The following CLIP4 variants were observed in gnomAD, a reference collection of about 807,000 sequenced individuals.
CLIP4 encodes the protein CAP-Gly domain-containing linker protein 4.
CLIP4 carries 47 observed loss-of-function variants against 73.1 expected under a neutral mutation model. That is an observed-to-expected ratio of 0.64 (90% CI 0.51 to 0.82). CLIP4 has a LOEUF of 0.82. Among genes scored for constraint, CLIP4 ranks in the 40% least tolerant of loss-of-function variants. The probability of loss-of-function intolerance (pLI) is 0.00; values close to 1 mark genes in which losing one functional copy is unlikely to be tolerated. For missense variants in CLIP4, 874 were observed against 852.9 expected, an observed-to-expected ratio of 1.02 and a Z score of -0.31; for synonymous variants, 306 against 295.4, an observed-to-expected ratio of 1.04 and a Z score of -0.37.
intron 11 of CLIP4, among the ~76,000 whole-genome samples, chr2:29,157,562 C>T (rs768634969): frequency 6.6e-6 from 1 of 152,180 alleles, no homozygotes; most frequent in Non-Finnish European, 1.5e-5. Context: ...TCATGTAATT[C>T]ATTCTTAGTG....
At chr2:29,159,166 G>A (rs952490687) in intron 11 of CLIP4, among the ~76,000 whole-genome samples, 21 of 152,190 alleles carry the variant, frequency 1.4e-4, no homozygotes, top group Admixed American at 1.4e-3. Flanking sequence ...GTTATGATGA[G>A]GGCCTCGGAC....
chr2:29,101,151 G>C (rs1406985410), intron 1 of CLIP4, among the ~76,000 whole-genome samples: 1 of 152,008 alleles, frequency 6.6e-6, no homozygotes, highest in African/African-American at 2.4e-5. Flanking sequence ...TTAGCCAGGC[G>C]TGGTGGTGCA....
At chr2:29,114,833 A>G (rs1668488130), upstream of CLIP4, 1 of 152,264 alleles carries the variant, frequency 6.6e-6, no homozygotes, top group South Asian at 2.1e-4. Flanking sequence ...AACTTCGGTC[A>G]TGGTCTTACT....
intron 8 of CLIP4, among the ~76,000 whole-genome samples, chr2:29,149,392 A>G (rs184063293): frequency 3.9e-4 from 58 of 147,822 alleles, no homozygotes; most frequent in African/African-American, 1.4e-3. Context: ...GGAAGCGTTT[A>G]GTATTTTTTC....
In CLIP4 at chr2:29,157,342, G is replaced by A; in HGVS notation, c.1394G>A (p.Ser465Asn). Residue 465 changes from serine (S) to asparagine (N), a missense_variant, in exon 11 of 16, where the codon AGT becomes AAT. By Grantham distance (46) the Ser-to-Asn change is conservative. Transcript: ENST00000320081. ...SKSPSLSSRASAGLNSSATST... is the reference protein window; with the variant it reads ...SKSPSLSSRANAGLNSSATST... ...AGCCCTTCCCTTTCATCCAGAGCCA[G>A]TGCTGGTATCTATGGCTTTTTCAAC... The A allele has an allele frequency of 1.2e-6, 2 of 1,614,046 alleles. No individual in the cohort carries two copies. Among genetic ancestry groups the A allele is most frequent in the Non-Finnish European group, 1.7e-6 (2 of 1,179,928 alleles).
At chr2:29,167,408 A>T in intron 13 of CLIP4, 68 bp from the exon 14 acceptor site, 2 of 1,074,558 alleles carry the variant, frequency 1.9e-6, no homozygotes, top group East Asian at 2.6e-5. Flanking sequence ...TGAAAAACTT[A>T]GTTGATAACC....
intron 1 of CLIP4, among the ~76,000 whole-genome samples, chr2:29,105,239 G>C (rs1380430668): frequency 6.6e-6 from 1 of 152,116 alleles, no homozygotes; most frequent in Non-Finnish European, 1.5e-5. Flanking sequence ...TAAGAACTAA[G>C]CTGTATGTGG....
At position 29,121,515 on chromosome 2, in the gene CLIP4, G is replaced by C; in HGVS notation, c.127G>C (p.Asp43His). ...CATTTCTGCAGCACCAATGCCTTCAGACTGTGGTATGTGAAGTAGCTGTGC... is the reference window on the plus strand; with the variant it reads ...CATTTCTGCAGCACCAATGCCTTCACACTGTGGTATGTGAAGTAGCTGTGC... Reference protein sequence around the residue: ...FSISAAPMPSDCEFSFFDPND... With the variant: ...FSISAAPMPSHCEFSFFDPND... The change falls in exon 2 of 16, where the codon GAC (aspartate) becomes CAC (histidine). Residue 43 changes from aspartate (D) to histidine (H), a missense_variant. By Grantham distance (81) the Asp-to-His change is moderately conservative (BLOSUM62 -1). Coordinates refer to ENST00000320081, the MANE Select transcript of CLIP4 (RefSeq NM_024692.6). 6.2e-7 allele frequency: 1 copy of C among 1,613,314 alleles called. No homozygotes were observed. The highest frequency in any genetic ancestry group is 1.1e-5 in the South Asian group (1 of 90,932).
At chr2:29,100,661 CA>C (rs1291650267) in intron 1 of CLIP4, among the ~76,000 whole-genome samples, 2 of 151,400 alleles carry the variant, frequency 1.3e-5, no homozygotes, top group African/African-American at 4.9e-5. Context: ...TCCTCCTGAG[CA>C]AAGAGGAAGG....
chr2:29,178,107 G>A (rs939229168), intron 15 of CLIP4, among the ~76,000 whole-genome samples: 2 of 151,750 alleles, frequency 1.3e-5, no homozygotes, highest in Admixed American at 1.3e-4. Context: ...CTGTAATTTT[G>A]TTACCTAGAT....
At chr2:29,103,090 G>T (rs1467207581) in intron 1 of CLIP4, among the ~76,000 whole-genome samples, 1 of 151,798 alleles carries the variant, frequency 6.6e-6, no homozygotes, top group Non-Finnish European at 1.5e-5. Context: ...TTTACCCCTG[G>T]GCCTGGCATT....
chr2:29,151,463 G>C (rs1666562089), intron 8 of CLIP4, among the ~76,000 whole-genome samples: 1 of 152,060 alleles, frequency 6.6e-6, no homozygotes, highest in Non-Finnish European at 1.5e-5. Flanking sequence ...ATAATTTAGA[G>C]AAAGAATAGA....
rs1412873524 is a variant in CLIP4, at chr2:29,182,895, TATATC to T, written c.*1004_*1008del. 1.3e-5 allele frequency: 2 copies of T among 152,662 alleles called. No individual in the cohort carries two copies. The highest frequency in any genetic ancestry group is 2.1e-4 in the South Asian group (1 of 4,832). The allele number at this position is 152,662 out of a possible 1,614,324, so 9.5% of individuals were successfully genotyped here. ...TTTAACAGAAGAGAGCAAATAAAGA[TATATC>T]AGGAAGGATGTATTAGTTATTTACT... On this transcript the variant is annotated 3_prime_UTR_variant, in exon 16 of 16. Coordinates refer to ENST00000320081, the MANE Select transcript of CLIP4 (RefSeq NM_024692.6).
intron 8 of CLIP4, among the ~76,000 whole-genome samples, chr2:29,145,989 A>G (rs1282633933): frequency 6.6e-6 from 1 of 152,192 alleles, no homozygotes; most frequent in Non-Finnish European, 1.5e-5. Flanking sequence ...GCCAACCATG[A>G]ATTTCAGAGG....
At chr2:29,109,641 G>A (rs1381774187) in intron 1 of CLIP4, among the ~76,000 whole-genome samples, 1 of 152,188 alleles carries the variant, frequency 6.6e-6, no homozygotes, top group Admixed American at 6.5e-5. Flanking sequence ...AGAAGACTTT[G>A]CATCATGTGG....
At chr2:29,102,910 G>A (rs1244679636) in intron 1 of CLIP4, among the ~76,000 whole-genome samples, 2 of 151,990 alleles carry the variant, frequency 1.3e-5, no homozygotes, top group Admixed American at 6.6e-5. Flanking sequence ...GAGCCACTGC[G>A]CCCAGTACAC....
At chr2:29,122,304 A>G (rs1664309652) in intron 2 of CLIP4, among the ~76,000 whole-genome samples, 1 of 148,988 alleles carries the variant, frequency 6.7e-6, no homozygotes, top group African/African-American at 2.5e-5. Flanking sequence ...CAGAAGTATT[A>G]TATAAAACCT....
intron 3 of CLIP4, 187 bp downstream of exon 3, chr2:29,131,584 T>C (rs1664972003): frequency 1.9e-6 from 1 of 520,758 alleles, no homozygotes; most frequent in Non-Finnish European, 3.2e-6. Flanking sequence ...TATTTCTTCA[T>C]GCTCTGTACT....
chr2:29,135,205 T>A (rs570048094), intron 5 of CLIP4, among the ~76,000 whole-genome samples: 3 of 152,312 alleles, frequency 2.0e-5, no homozygotes, highest in African/African-American at 7.2e-5. Context: ...TCACTGTAGT[T>A]GTCATGGCAA....
Sources: allele counts gnomAD v4.1 joint callset (sites outside exome capture counted in the v4.1 genomes callset), GRCh38; gene constraint gnomAD v4.1.1; transcripts MANE v1.5; gene names NCBI Gene and HGNC (gene_info 2026-07-23, HGNC 2026-07-21).